PDE11A: variants seen among roughly 807,000 people sequenced by gnomAD.
The protein encoded by PDE11A is dual 3',5'-cyclic-AMP and -GMP phosphodiesterase 11A.
PDE11A carries 100 observed loss-of-function variants against 100.5 expected under a neutral mutation model. The observed-to-expected ratio is 1.00, with a 90% CI of 0.85 to 1.18. The LOEUF (loss-of-function observed/expected upper bound fraction) is 1.18. Among genes scored for constraint, PDE11A ranks in the 50% most tolerant of loss-of-function variants. The pLI is 0.00. For missense variants in PDE11A, 1,141 were observed against 1,152.6 expected, an observed-to-expected ratio of 0.99 and a Z score of 0.15; for synonymous variants, 381 against 420.8, an observed-to-expected ratio of 0.91 and a Z score of 1.16.
At chr2:177,932,771 C>G (rs35277317) in intron 2 of PDE11A, among the ~76,000 whole-genome samples, 13,080 of 151,702 alleles carry the variant, frequency 0.086, 526 homozygotes, top group South Asian at 0.099. Flanking sequence ...AGGATCCCCA[C>G]TCTCACCACT....
At chr2:177,774,856 T>C (rs1166057708) in intron 9 of PDE11A, among the ~76,000 whole-genome samples, 2 of 152,218 alleles carry the variant, frequency 1.3e-5, no homozygotes, top group African/African-American at 2.4e-5. Context: ...TCTGTGTATA[T>C]GATATGTCAC....
intron 9 of PDE11A, among the ~76,000 whole-genome samples, chr2:177,798,780 T>A (rs868281884): frequency 6.6e-6 from 1 of 152,204 alleles, no homozygotes. Flanking sequence ...GAGACAAATA[T>A]CCCATACAAA....
At chr2:177,791,854 T>C (rs1421030025) in intron 9 of PDE11A, among the ~76,000 whole-genome samples, 1 of 152,216 alleles carries the variant, frequency 6.6e-6, no homozygotes, top group Non-Finnish European at 1.5e-5. Flanking sequence ...CTATAACTTT[T>C]GTGAAATGCT....
intron 9 of PDE11A, among the ~76,000 whole-genome samples, chr2:177,786,595 A>G (rs1224434066): frequency 6.6e-6 from 1 of 152,216 alleles, no homozygotes; most frequent in African/African-American, 2.4e-5. Flanking sequence ...ACTCTGAGCT[A>G]CAGGAGGAAA....
At chr2:177,780,332 C>T (rs1032895463) in intron 9 of PDE11A, among the ~76,000 whole-genome samples, 2 of 152,092 alleles carry the variant, frequency 1.3e-5, no homozygotes, top group South Asian at 2.1e-4. Context: ...GTGATCCTCC[C>T]GCCTCAGCCT....
At chr2:177,936,689 A>C (rs983606614) in intron 2 of PDE11A, among the ~76,000 whole-genome samples, 14 of 152,164 alleles carry the variant, frequency 9.2e-5, no homozygotes, top group African/African-American at 2.7e-4. Context: ...GGTAGGCCGA[A>C]GTGTGTGGAT....
chr2:177,783,188 T>G (rs994608974), intron 9 of PDE11A, among the ~76,000 whole-genome samples: 3 of 152,228 alleles, frequency 2.0e-5, no homozygotes, highest in Non-Finnish European at 1.5e-5. Flanking sequence ...CTCTGATTAC[T>G]AGAGGCAGTC....
intron 2 of PDE11A, among the ~76,000 whole-genome samples, chr2:177,938,662 C>T (rs1445909071): frequency 6.6e-6 from 1 of 152,120 alleles, no homozygotes; most frequent in Non-Finnish European, 1.5e-5. Context: ...TACCTGGGAA[C>T]CCATCGTAGT....
intron 18 of PDE11A, among the ~76,000 whole-genome samples, chr2:177,664,368 A>T (rs79412015): frequency 0.012 from 1,769 of 152,344 alleles, 29 homozygotes; most frequent in African/African-American, 0.04. Flanking sequence ...AAATATCCTT[A>T]AAAGCAATTT....
At chr2:178,032,688 C>A (rs1444286986) in intron 1 of PDE11A, among the ~76,000 whole-genome samples, 1 of 152,184 alleles carries the variant, frequency 6.6e-6, no homozygotes, top group Non-Finnish European at 1.5e-5. Context: ...TAGAATGAAG[C>A]TTCCAGAGGA....
At chr2:177,972,595 A>T (rs1479555976) in intron 2 of PDE11A, among the ~76,000 whole-genome samples, 3 of 152,060 alleles carry the variant, frequency 2.0e-5, no homozygotes, top group Non-Finnish European at 4.4e-5. Context: ...GATAGGGGAG[A>T]GGTTAGCAAG....
At chr2:177,638,380 C>G (rs1051930375) in intron 19 of PDE11A, among the ~76,000 whole-genome samples, 2 of 152,002 alleles carry the variant, frequency 1.3e-5, no homozygotes, top group Non-Finnish European at 2.9e-5. Flanking sequence ...TTCCATGACC[C>G]CTTAATCATG....
intron 2 of PDE11A, among the ~76,000 whole-genome samples, chr2:177,918,297 A>G (rs1396870195): frequency 3.3e-5 from 5 of 152,196 alleles, no homozygotes; most frequent in Admixed American, 3.3e-4. Context: ...GCCCCTATTC[A>G]CAGTTTCTAC....
intron 5 of PDE11A, among the ~76,000 whole-genome samples, chr2:177,869,936 C>T (rs1353047526): frequency 6.6e-6 from 1 of 152,224 alleles, no homozygotes; most frequent in Non-Finnish European, 1.5e-5. Context: ...TTACATGTCA[C>T]TGGATGTTAA....
chr2:177,737,610 A>G (rs1574093431), intron 10 of PDE11A, among the ~76,000 whole-genome samples: 2 of 149,942 alleles, frequency 1.3e-5, no homozygotes, highest in Non-Finnish European at 1.5e-5. Flanking sequence ...AAGCCAAGAG[A>G]GAGGGGCAGG....
At chr2:177,803,214 A>G (rs1278241174) in intron 9 of PDE11A, among the ~76,000 whole-genome samples, 1 of 151,830 alleles carries the variant, frequency 6.6e-6, no homozygotes, top group Non-Finnish European at 1.5e-5. Context: ...TAATAGATAT[A>G]AAGCAAAATC....
intron 2 of PDE11A, among the ~76,000 whole-genome samples, chr2:177,951,333 G>T (rs563596854): frequency 6.6e-6 from 1 of 152,336 alleles, no homozygotes; most frequent in Non-Finnish European, 1.5e-5. Context: ...TATTATGACA[G>T]TATCTTCTTG....
chr2:177,775,754 C>T (rs1038627083), intron 9 of PDE11A, among the ~76,000 whole-genome samples: 1 of 152,162 alleles, frequency 6.6e-6, no homozygotes, highest in Admixed American at 6.5e-5. Context: ...TAAATGTCAC[C>T]CCTTCAGTGA....
intron 18 of PDE11A, among the ~76,000 whole-genome samples, chr2:177,665,562 A>T (rs1317621145): frequency 6.6e-6 from 1 of 151,780 alleles, no homozygotes; most frequent in Non-Finnish European, 1.5e-5. Context: ...TTCTTTAAAA[A>T]ATATTATTCT....
Sources: allele counts gnomAD v4.1 joint callset (sites outside exome capture counted in the v4.1 genomes callset), GRCh38; gene constraint gnomAD v4.1.1; transcripts MANE v1.5; gene names NCBI Gene and HGNC (gene_info 2026-07-23, HGNC 2026-07-21).